TGFA: variants seen among roughly 807,000 people sequenced by gnomAD.
The protein encoded by TGFA is transforming growth factor alpha, also known as protransforming growth factor alpha.
Under a neutral mutation model 21.7 loss-of-function variants are expected in TGFA, and 12 were observed. The ratio of observed to expected loss-of-function variants is 0.55; its 90% CI spans 0.35 to 0.90. The LOEUF (loss-of-function observed/expected upper bound fraction) is 0.90. Among genes scored for constraint, TGFA ranks in the 40% least tolerant of loss-of-function variants. The pLI is 0.01. For synonymous variants in TGFA, 79 were observed against 88.1 expected (o/e 0.90, Z 0.58); for missense variants, 178 against 210.8 (o/e 0.84, Z 0.96).
At chr2:70,536,310 C>T (rs2103918535) in intron 1 of TGFA, among the ~76,000 whole-genome samples, 1 of 152,254 alleles carries the variant, frequency 6.6e-6, no homozygotes, top group East Asian at 1.9e-4. Context: ...TGGGTAGTGA[C>T]TTCAATATCC....
intron 2 of TGFA, among the ~76,000 whole-genome samples, chr2:70,491,945 T>C (rs1272864772): frequency 6.6e-6 from 1 of 152,228 alleles, no homozygotes; most frequent in African/African-American, 2.4e-5. Flanking sequence ...ACTTCAATTC[T>C]ACATTTTTTA....
At chr2:70,543,280 C>T (rs1381615801) in intron 1 of TGFA, among the ~76,000 whole-genome samples, 1 of 152,034 alleles carries the variant, frequency 6.6e-6, no homozygotes, top group Admixed American at 6.6e-5. Context: ...GTAATCCCAG[C>T]ACTTTGGGAG....
chr2:70,469,030 A>T (rs1670656972), intron 2 of TGFA, among the ~76,000 whole-genome samples: 1 of 152,118 alleles, frequency 6.6e-6, no homozygotes, highest in Non-Finnish European at 1.5e-5. Context: ...ATGTTCAAAA[A>T]GGCTTTTGAC....
intron 2 of TGFA, among the ~76,000 whole-genome samples, chr2:70,496,990 C>T (rs1160752463): frequency 5.3e-5 from 8 of 152,212 alleles, no homozygotes; most frequent in Non-Finnish European, 8.8e-5. Context: ...TGGTGAAGCA[C>T]ATCTGAGACC....
At chr2:70,517,869 C>T (rs931258563) in intron 1 of TGFA, among the ~76,000 whole-genome samples, 1 of 152,250 alleles carries the variant, frequency 6.6e-6, no homozygotes, top group Non-Finnish European at 1.5e-5. Flanking sequence ...TCTCCCACTG[C>T]CTCCAGTCTC....
chr2:70,530,800 G>A (rs1672793538), intron 1 of TGFA, among the ~76,000 whole-genome samples: 1 of 152,238 alleles, frequency 6.6e-6, no homozygotes, highest in African/African-American at 2.4e-5. Context: ...CAGAGGTGAA[G>A]GGTCCACAAG....
intron 3 of TGFA, among the ~76,000 whole-genome samples, chr2:70,461,066 C>G (rs367662556): frequency 1.1e-4 from 16 of 152,282 alleles, no homozygotes; most frequent in African/African-American, 3.9e-4. Context: ...CCCTGGGTCC[C>G]CATTACAATC....
At chr2:70,496,680 A>C (rs1553498390) in intron 2 of TGFA, among the ~76,000 whole-genome samples, 1 of 152,206 alleles carries the variant, frequency 6.6e-6, no homozygotes, top group African/African-American at 2.4e-5. Flanking sequence ...GATATAAAGC[A>C]CTTGGTATGG....
chr2:70,553,479 T>C, intron 1 of TGFA: 1 of 1,399,720 alleles, frequency 7.1e-7, no homozygotes, highest in Non-Finnish European at 9.2e-7. Context: ...CCGCTTCCCC[T>C]TCCCAGGTGT....
At position 70,500,418 on chromosome 2, in the gene TGFA, G is replaced by A. The variant is rs184527322; in HGVS notation, c.94+14441C>T. The stretch of plus-strand genomic sequence containing the variant: ...TCCCCAAACAACATCCTGGTTCAGG[G>A]GCTACATTCACTCACAAAGTGATAC... On this transcript the variant is annotated intron_variant, in intron 2 of 5. Coordinates refer to ENST00000295400, the MANE Select transcript of TGFA (RefSeq NM_003236.4). Among the ~76,000 whole-genome samples the A allele has an allele frequency of 5.3e-3, 805 of 151,940 alleles. 28 individuals are homozygous for A. Among genetic ancestry groups the A allele is most frequent in the Admixed American group, 0.042 (646 of 15,280 alleles).
chr2:70,457,369 T>A (rs1456992179), intron 3 of TGFA, among the ~76,000 whole-genome samples: 1 of 152,160 alleles, frequency 6.6e-6, no homozygotes, highest in Non-Finnish European at 1.5e-5. Context: ...CATTTTCTTT[T>A]ACAGGCATCC....
intron 3 of TGFA, among the ~76,000 whole-genome samples, chr2:70,462,564 C>T (rs746393125): frequency 7.2e-5 from 11 of 152,126 alleles, no homozygotes; most frequent in Admixed American, 3.3e-4. Flanking sequence ...TGAGTGAGTC[C>T]GAGCTGAGGG....
At position 70,530,302 on chromosome 2, in the gene TGFA, C is replaced by T. The variant is rs11466211; in HGVS notation, c.41-15390G>A. Among the ~76,000 whole-genome samples the T allele has an allele frequency of 1.2e-3, 183 of 152,302 alleles. 3 individuals carry two copies. The East Asian group carries it at 0.028, about 23-fold the overall frequency. On this transcript the variant is annotated intron_variant, in intron 1 of 5. Coordinates refer to ENST00000295400, the MANE Select transcript of TGFA (RefSeq NM_003236.4). ...TTCAAGTTCCCTTCCAGGGTCTGCCCACCATCCCTGAAATATTAATACTTC... is the reference window on the plus strand; with the variant it reads ...TTCAAGTTCCCTTCCAGGGTCTGCCTACCATCCCTGAAATATTAATACTTC...
intron 1 of TGFA, among the ~76,000 whole-genome samples, chr2:70,549,648 TC>T (rs1157796288): frequency 1.3e-5 from 2 of 152,202 alleles, no homozygotes; most frequent in Non-Finnish European, 2.9e-5. Flanking sequence ...CCAAACCTCC[TC>T]TTCCCGTTGC....
chr2:70,553,390 C>T (rs1553507141), intron 1 of TGFA: 10 of 1,451,274 alleles, frequency 6.9e-6, no homozygotes, highest in Non-Finnish European at 8.1e-6. Context: ...TGGAGGCAGC[C>T]AGGTAAGCAG....
intron 2 of TGFA, among the ~76,000 whole-genome samples, chr2:70,483,507 C>T (rs1420400479): frequency 2.6e-5 from 4 of 152,176 alleles, no homozygotes; most frequent in African/African-American, 9.7e-5. Flanking sequence ...GGGTCTTTTA[C>T]TAGGATACTC....
intron 3 of TGFA, among the ~76,000 whole-genome samples, chr2:70,458,229 T>C (rs1670299793): frequency 6.6e-6 from 1 of 152,108 alleles, no homozygotes; most frequent in African/African-American, 2.4e-5. Context: ...TGGGCTAGAC[T>C]CCAGGCTGAG....
intron 2 of TGFA, among the ~76,000 whole-genome samples, chr2:70,510,670 T>C (rs1164339447): frequency 1.3e-5 from 2 of 152,150 alleles, no homozygotes; most frequent in Non-Finnish European, 1.5e-5. Flanking sequence ...CCACTCAAAT[T>C]GTCTGAGAAG....
intron 1 of TGFA, among the ~76,000 whole-genome samples, chr2:70,515,162 T>G (rs1553501445): frequency 6.6e-6 from 1 of 152,188 alleles, no homozygotes; most frequent in African/African-American, 2.4e-5. Flanking sequence ...CTTCCCAGTC[T>G]CTCTCTCCAT....
Sources: allele counts gnomAD v4.1 joint callset (sites outside exome capture counted in the v4.1 genomes callset), GRCh38; gene constraint gnomAD v4.1.1; transcripts MANE v1.5; gene names NCBI Gene and HGNC (gene_info 2026-07-23, HGNC 2026-07-21).